Variants in SEPTIN6 observed in about 807,000 individuals in gnomAD.
The protein encoded by SEPTIN6 is septin 6.
Under a neutral mutation model 33.6 loss-of-function variants are expected in SEPTIN6, and 8 were observed. That is an observed-to-expected ratio of 0.24 (90% CI 0.14 to 0.43). SEPTIN6 has a LOEUF of 0.43. Ranked by LOEUF, SEPTIN6 falls within the 20% of genes least tolerant of loss-of-function variation. The pLI, the probability that SEPTIN6 is intolerant of heterozygous loss-of-function variation, is 1.00. For synonymous variants in SEPTIN6, 131 were observed against 140.0 expected, an observed-to-expected ratio of 0.94 and a Z score of 0.45; for missense variants, 250 against 340.8, an observed-to-expected ratio of 0.73 and a Z score of 2.10.
At chrX:119,661,800 G>A (rs182463379) in intron 3 of SEPTIN6, among the ~76,000 whole-genome samples, 18 of 111,629 alleles carry the variant, frequency 1.6e-4, no homozygotes, top group African/African-American at 5.9e-4. Flanking sequence ...GTACAGTGGC[G>A]CAATCTCAGC....
intron 9 of SEPTIN6, among the ~76,000 whole-genome samples, chrX:119,626,931 C>G (rs1277545039): frequency 9.0e-6 from 1 of 111,571 alleles, no homozygotes; most frequent in Non-Finnish European, 1.9e-5. Flanking sequence ...AGGTGATCTG[C>G]CTGCGTCAGT....
intron 3 of SEPTIN6, 111 bp downstream of exon 3, chrX:119,663,370 AG>A: frequency 9.6e-6 from 6 of 625,310 alleles, no homozygotes; most frequent in Non-Finnish European, 1.5e-5. Flanking sequence ...CCATTCTGGG[AG>A]GACAGGCTTG....
At chrX:119,687,451 G>A (rs182280675) in intron 1 of SEPTIN6, among the ~76,000 whole-genome samples, 290 of 110,384 alleles carry the variant, frequency 2.6e-3, no homozygotes, top group African/African-American at 8.8e-3. Context: ...GGGTTTCACC[G>A]TGTTAGCCAG....
chrX:119,649,731 G>C (rs1265362630), intron 5 of SEPTIN6, among the ~76,000 whole-genome samples: 3 of 109,102 alleles, frequency 2.7e-5, no homozygotes, highest in Non-Finnish European at 5.7e-5. Context: ...CATTAGCCAG[G>C]TGTGGTGAGT....
At chrX:119,620,626 G>T (rs943858080) in intron 10 of SEPTIN6, among the ~76,000 whole-genome samples, 30 of 101,748 alleles carry the variant, frequency 2.9e-4, no homozygotes, top group African/African-American at 1.1e-3. Flanking sequence ...GCTCTTTTTT[G>T]TTGTTGTTGT....
chrX:119,619,470 T>G lies in SEPTIN6; in HGVS notation c.*623A>C, dbSNP rs1569416576. ...ATGCGTTGCCGATTTTGAGCACAGC[T>G]TGAGTGCAGTTACTTCGAGTGAATG... On this transcript the variant is annotated 3_prime_UTR_variant, in exon 11 of 11. Coordinates refer to ENST00000394610, the MANE Select transcript of SEPTIN6 (RefSeq NM_145799.4). The G allele has an allele frequency of 1.2e-6, 1 of 813,241 alleles. No homozygotes were observed. Among genetic ancestry groups the G allele is most frequent in the Non-Finnish European group, 1.5e-6 (1 of 676,567 alleles). The allele number at this position is 813,241 out of a possible 1,213,427, so 67.0% of individuals were successfully genotyped here. A position where few individuals can be genotyped will look rare whatever the true frequency, so the allele number is the denominator to read the frequency against.
At chrX:119,660,877 T>TA (rs1164153670) in intron 3 of SEPTIN6, among the ~76,000 whole-genome samples, 1 of 105,389 alleles carries the variant, frequency 9.5e-6, no homozygotes, top group Non-Finnish European at 1.9e-5. Context: ...CCATCTCTAC[T>TA]AAAAATACAG....
At chrX:119,690,352 C>T (rs893659324) in intron 1 of SEPTIN6, among the ~76,000 whole-genome samples, 12 of 55,909 alleles carry the variant, frequency 2.1e-4, no homozygotes, top group African/African-American at 9.4e-4. Context: ...TACACATACA[C>T]ACACACACAC....
chrX:119,632,585 G>A (rs1480823828), intron 8 of SEPTIN6, among the ~76,000 whole-genome samples: 1 of 110,499 alleles, frequency 9.0e-6, no homozygotes, highest in Non-Finnish European at 1.9e-5. Context: ...GAGTGTGACA[G>A]GTTAAATGTG....
chrX:119,641,873 T>C (rs1372365892), intron 5 of SEPTIN6, among the ~76,000 whole-genome samples: 1 of 112,860 alleles, frequency 8.9e-6, no homozygotes, highest in Non-Finnish European at 1.9e-5. Flanking sequence ...AAAGAGCCTA[T>C]GGGGAAAGTT....
intron 10 of SEPTIN6, among the ~76,000 whole-genome samples, chrX:119,624,909 C>T (rs1170354458): frequency 9.0e-6 from 1 of 111,063 alleles, no homozygotes; most frequent in Non-Finnish European, 1.9e-5. Flanking sequence ...TGGAGCTTCA[C>T]CGTGTTAGCC....
intron 4 of SEPTIN6, among the ~76,000 whole-genome samples, chrX:119,651,663 G>C (rs2054353523): frequency 9.0e-6 from 1 of 111,192 alleles, no homozygotes; most frequent in Admixed American, 9.6e-5. Flanking sequence ...AAGAGTGAAA[G>C]TCCGTCTCAA....
intron 5 of SEPTIN6, among the ~76,000 whole-genome samples, chrX:119,649,111 A>ATTTTTTT (rs200217501): frequency 5.3e-5 from 4 of 75,702 alleles, no homozygotes; most frequent in African/African-American, 1.7e-4. Context: ...CATAACGCTG[A>ATTTTTTT]TTTTTTTTTT....
intron 9 of SEPTIN6, among the ~76,000 whole-genome samples, chrX:119,627,248 C>T (rs2147455254): frequency 9.0e-6 from 1 of 110,818 alleles, no homozygotes; most frequent in Non-Finnish European, 1.9e-5. Context: ...CTAAACAGTC[C>T]ACCTGGGAAC....
At chrX:119,655,676 C>A (rs376793538) in intron 3 of SEPTIN6, among the ~76,000 whole-genome samples, 10 of 111,482 alleles carry the variant, frequency 9.0e-5, no homozygotes, top group African/African-American at 2.9e-4. Context: ...CCAAAACCAG[C>A]TCCAACAGAC....
chrX:119,679,539 G>A (rs2054910373), intron 1 of SEPTIN6, among the ~76,000 whole-genome samples: 1 of 111,286 alleles, frequency 9.0e-6, no homozygotes, highest in Admixed American at 9.6e-5. Context: ...CAAAGAGAAG[G>A]AACAAATTTG....
intron 2 of SEPTIN6, among the ~76,000 whole-genome samples, chrX:119,671,119 C>A (rs906570051): frequency 9.0e-6 from 1 of 110,566 alleles, no homozygotes; most frequent in Non-Finnish European, 1.9e-5. Flanking sequence ...GAAGCTAGTG[C>A]TACCATAATT....
chrX:119,630,532 T>C (rs969440396), intron 8 of SEPTIN6, among the ~76,000 whole-genome samples: 8 of 112,127 alleles, frequency 7.1e-5, no homozygotes, highest in Non-Finnish European at 1.5e-4. Context: ...TAGTCCTGAA[T>C]AGAACCAGAA....
At chrX:119,676,552 T>C (rs2054845239) in intron 1 of SEPTIN6, among the ~76,000 whole-genome samples, 1 of 111,603 alleles carries the variant, frequency 9.0e-6, no homozygotes, top group African/African-American at 3.3e-5. Flanking sequence ...GGTGGATCAC[T>C]TGAGGCCAAG....
Sources: allele counts gnomAD v4.1 joint callset (sites outside exome capture counted in the v4.1 genomes callset), GRCh38; gene constraint gnomAD v4.1.1; transcripts MANE v1.5; gene names NCBI Gene and HGNC (gene_info 2026-07-23, HGNC 2026-07-21).